ZFHX3: variants seen among roughly 807,000 people sequenced by gnomAD.
ZFHX3 encodes zinc finger homeobox protein 3.
ZFHX3 carries 42 observed loss-of-function variants against 279.1 expected under a neutral mutation model. That is an observed-to-expected ratio of 0.15 (90% CI 0.12 to 0.19). ZFHX3 has a LOEUF of 0.19. Ranked by LOEUF, ZFHX3 falls within the 10% of genes least tolerant of loss-of-function variation. ZFHX3 has a pLI of 1.00. For missense variants in ZFHX3, 4,981 were observed against 4,754.0 expected, an observed-to-expected ratio of 1.05 and a Z score of -1.40; for synonymous variants, 2,293 against 1,957.8, an observed-to-expected ratio of 1.17 and a Z score of -4.52.
rs556482899 is a variant in ZFHX3, at chr16:73,497,123, G to A, written c.-1546-40865C>T. Among the ~76,000 whole-genome samples the A allele has an allele frequency of 9.9e-5, 15 of 152,274 alleles. No individual in the cohort carries two copies. In the South Asian group the frequency reaches 1.9e-3, roughly 19 times the overall value. ...AAACTAAACCCATATTAACTTTCCT[G>A]TAGAAAGTTTTATATATAGGTTCTG... On this transcript the variant is annotated intron_variant, in intron 2 of 17. Transcript: ENST00000641206.
intron 1 of ZFHX3, among the ~76,000 whole-genome samples, chr16:73,851,381 T>C (rs764123255): frequency 2.0e-5 from 3 of 152,230 alleles, no homozygotes; most frequent in Non-Finnish European, 4.4e-5. Flanking sequence ...AGGTTATCTT[T>C]GTTGAGACGA....
At chr16:72,849,860 C>CAAAAAAAAAAAAAA (rs542156633) in intron 4 of ZFHX3, among the ~76,000 whole-genome samples, 6 of 56,564 alleles carry the variant, frequency 1.1e-4, no homozygotes, top group Non-Finnish European at 1.5e-4. Flanking sequence ...GTTCACCTAC[C>CAAAAAAAAAAAAAA]AAAAAAAAAA....
At chr16:73,801,035 C>T (rs1000602574) in intron 1 of ZFHX3, among the ~76,000 whole-genome samples, 3 of 152,188 alleles carry the variant, frequency 2.0e-5, no homozygotes, top group African/African-American at 7.2e-5. Context: ...AAACCAACAG[C>T]ATTGACACTG....
chr16:72,945,473 C>T (rs1208310334), intron 3 of ZFHX3, among the ~76,000 whole-genome samples: 1 of 152,132 alleles, frequency 6.6e-6, no homozygotes, highest in Non-Finnish European at 1.5e-5. Flanking sequence ...ACCATCAAGC[C>T]ACGGAAATGA....
At chr16:73,296,069 CGTGTGTGT>C (rs58283675) in intron 4 of ZFHX3, among the ~76,000 whole-genome samples, 12,139 of 149,018 alleles carry the variant, frequency 0.081, 588 homozygotes, top group South Asian at 0.21. Context: ...ATTACAATCC[CGTGTGTGT>C]GTGTGTGTGT....
intron 1 of ZFHX3, among the ~76,000 whole-genome samples, chr16:73,697,217 CTT>C (rs78469043): frequency 1.7e-4 from 23 of 133,776 alleles, no homozygotes; most frequent in Admixed American, 1.5e-4. Flanking sequence ...ATTCTAACCT[CTT>C]TTTTTTTTTT....
At chr16:73,157,029 A>AT (rs1295070235) in intron 5 of ZFHX3, among the ~76,000 whole-genome samples, 2 of 151,782 alleles carry the variant, frequency 1.3e-5, no homozygotes, top group East Asian at 3.9e-4. Flanking sequence ...TTATTTTTTA[A>AT]TTTTTTTGTA....
chr16:73,041,556 G>A (rs1965116841), intron 1 of ZFHX3, among the ~76,000 whole-genome samples: 1 of 152,098 alleles, frequency 6.6e-6, no homozygotes, highest in Admixed American at 6.5e-5. Context: ...CAGACTGAAA[G>A]TCTTCATCAA....
intron 2 of ZFHX3, among the ~76,000 whole-genome samples, chr16:72,953,141 A>G (rs1786424810): frequency 6.6e-6 from 1 of 152,236 alleles, no homozygotes; most frequent in African/African-American, 2.4e-5. Flanking sequence ...TTTGAAGCTC[A>G]CGGACAGTCT....
chr16:73,023,585 T>A (rs1352012107), intron 1 of ZFHX3, among the ~76,000 whole-genome samples: 1 of 152,210 alleles, frequency 6.6e-6, no homozygotes, highest in Non-Finnish European at 1.5e-5. Context: ...GCACTGTGCT[T>A]ACGCAGGTCA....
chr16:73,055,690 G>GCACACA (rs1202258646), intron 1 of ZFHX3, among the ~76,000 whole-genome samples: 11 of 91,266 alleles, frequency 1.2e-4, no homozygotes, highest in African/African-American at 3.3e-4. Flanking sequence ...GCGCGCGCGC[G>GCACACA]CGCGCGCGCA....
chr16:72,895,912 CAG>C (rs1310368802), intron 3 of ZFHX3, among the ~76,000 whole-genome samples: 4 of 152,138 alleles, frequency 2.6e-5, no homozygotes, highest in Non-Finnish European at 5.9e-5. Context: ...TAGGTAAAAA[CAG>C]ACAGATAGCA....
intron 2 of ZFHX3, among the ~76,000 whole-genome samples, chr16:73,661,970 T>TG (rs1567545295): frequency 1.6e-4 from 24 of 147,198 alleles, no homozygotes; most frequent in African/African-American, 3.6e-4. Context: ...TTCTTTTTTT[T>TG]TTGTTTTTTT....
intron 5 of ZFHX3, among the ~76,000 whole-genome samples, chr16:72,825,193 C>A (rs2036902188): frequency 6.6e-6 from 1 of 152,232 alleles, no homozygotes; most frequent in Non-Finnish European, 1.5e-5. Flanking sequence ...AATCTAGAGT[C>A]TTTCCACATC....
chr16:73,019,149 T>C (rs1964205673), intron 1 of ZFHX3, among the ~76,000 whole-genome samples: 1 of 152,176 alleles, frequency 6.6e-6, no homozygotes, highest in Non-Finnish European at 1.5e-5. Context: ...TTTCAAAAGC[T>C]ATCACTACGA....
At chr16:73,856,440 AG>A (rs1373240626) in intron 1 of ZFHX3, among the ~76,000 whole-genome samples, 1 of 152,226 alleles carries the variant, frequency 6.6e-6, no homozygotes, top group African/African-American at 2.4e-5. Flanking sequence ...CCCCTTGGCA[AG>A]GGGGAAAAAA....
chr16:73,177,539 G>A (rs983154327), intron 5 of ZFHX3, among the ~76,000 whole-genome samples: 1 of 152,162 alleles, frequency 6.6e-6, no homozygotes, highest in African/African-American at 2.4e-5. Context: ...CTTTAAAGAT[G>A]GGAAGAACAG....
At chr16:72,856,416 C>G (rs1485736333) in intron 4 of ZFHX3, among the ~76,000 whole-genome samples, 4 of 152,240 alleles carry the variant, frequency 2.6e-5, no homozygotes, top group Non-Finnish European at 5.9e-5. Context: ...AGCTGCGTCT[C>G]TATCAAAGCA....
intron 5 of ZFHX3, among the ~76,000 whole-genome samples, chr16:73,165,547 A>G (rs1967343153): frequency 6.6e-6 from 1 of 152,174 alleles, no homozygotes; most frequent in Non-Finnish European, 1.5e-5. Flanking sequence ...TGGAAAATGT[A>G]ACCAGACACA....
Sources: gnomAD v4.1 joint callset for allele counts (sites outside exome capture counted in the v4.1 genomes callset) on GRCh38, gnomAD v4.1.1 for gene constraint, MANE v1.5 for transcripts, NCBI Gene and HGNC (gene_info 2026-07-23, HGNC 2026-07-21) for gene names.